Variants in SLC24A3 observed in about 807,000 individuals in gnomAD.
SLC24A3 encodes the protein sodium/potassium/calcium exchanger 3.
A neutral mutation model predicts 75.8 loss-of-function variants in SLC24A3; 28 were observed. The ratio of observed to expected loss-of-function variants is 0.37; its 90% CI spans 0.27 to 0.51. The LOEUF is 0.51. SLC24A3 is among the 20% of genes least tolerant of loss of function. SLC24A3 has a pLI of 0.94. For missense variants in SLC24A3, 663 were observed against 847.8 expected (o/e 0.78, Z 2.71); for synonymous variants, 372 against 334.1 (o/e 1.11, Z -1.24).
At chr20:19,552,118 G>C (rs183918360) in intron 3 of SLC24A3, among the ~76,000 whole-genome samples, 2 of 152,242 alleles carry the variant, frequency 1.3e-5, no homozygotes, top group Non-Finnish European at 2.9e-5. Flanking sequence ...ATCTTTCATT[G>C]TTAGTACGTT....
intron 3 of SLC24A3, among the ~76,000 whole-genome samples, chr20:19,560,389 G>A (rs6081657): frequency 6.6e-6 from 1 of 152,202 alleles, no homozygotes; most frequent in Admixed American, 6.5e-5. Flanking sequence ...GGCACTTTCA[G>A]GGTGCTCCGC....
intron 2 of SLC24A3, among the ~76,000 whole-genome samples, chr20:19,466,897 C>T (rs1987775051): frequency 6.6e-6 from 1 of 152,144 alleles, no homozygotes; most frequent in Non-Finnish European, 1.5e-5. Flanking sequence ...CTGGATCATC[C>T]ACTACATGTC....
At chr20:19,597,940 T>C (rs2031472078) in intron 6 of SLC24A3, among the ~76,000 whole-genome samples, 1 of 152,212 alleles carries the variant, frequency 6.6e-6, no homozygotes, top group African/African-American at 2.4e-5. Flanking sequence ...TTCCCTTGAA[T>C]GTATATGCCA....
At chr20:19,574,084 A>G (rs1487756520) in intron 3 of SLC24A3, among the ~76,000 whole-genome samples, 1 of 152,216 alleles carries the variant, frequency 6.6e-6, no homozygotes, top group African/African-American at 2.4e-5. Flanking sequence ...TTGGTGCTGC[A>G]CACATTATTG....
intron 4 of SLC24A3, among the ~76,000 whole-genome samples, chr20:19,584,337 G>A (rs1223972070): frequency 6.6e-6 from 1 of 152,100 alleles, no homozygotes; most frequent in African/African-American, 2.4e-5. Flanking sequence ...AGGAAGGGGA[G>A]TGGGTTTCAG....
rs553327790 is a variant in SLC24A3, at chr20:19,699,524, G to C, written c.1719+844G>C. On this transcript the variant is annotated intron_variant, in intron 15 of 16. Coordinates refer to ENST00000328041, the MANE Select transcript of SLC24A3 (RefSeq NM_020689.4). ...GTGCAGAAAGCATGTGCTTATTTTG[G>C]ATGATATGTTCTCTATATTCCTGGA... Among the ~76,000 whole-genome samples, 8 of 152,330 alleles carry C rather than the reference G, an allele frequency of 5.3e-5. 1 individual carries two copies. The South Asian group carries it at 1.5e-3, about 28-fold the overall frequency.
intron 2 of SLC24A3, among the ~76,000 whole-genome samples, chr20:19,509,917 A>T (rs1038807768): frequency 6.6e-6 from 1 of 152,264 alleles, no homozygotes; most frequent in African/African-American, 2.4e-5. Flanking sequence ...ACATTTCCAG[A>T]TTCCCAATTG....
intron 3 of SLC24A3, among the ~76,000 whole-genome samples, chr20:19,519,332 T>C (rs1486511211): frequency 2.6e-5 from 4 of 152,254 alleles, no homozygotes; most frequent in African/African-American, 9.6e-5. Flanking sequence ...TTTTTGTTTT[T>C]TCTTGTAGAT....
intron 6 of SLC24A3, among the ~76,000 whole-genome samples, chr20:19,611,260 T>C (rs898870844): frequency 4.6e-5 from 7 of 152,218 alleles, no homozygotes; most frequent in African/African-American, 1.7e-4. Flanking sequence ...CCATCTCCAC[T>C]GCAAGATTCC....
At chr20:19,571,071 G>A (rs1374964833) in intron 3 of SLC24A3, among the ~76,000 whole-genome samples, 2 of 152,004 alleles carry the variant, frequency 1.3e-5, no homozygotes, top group Non-Finnish European at 2.9e-5. Flanking sequence ...GTGGTGGTCA[G>A]GATTTGAACC....
At chr20:19,707,516 C>G (rs939827862) in intron 15 of SLC24A3, among the ~76,000 whole-genome samples, 3 of 152,194 alleles carry the variant, frequency 2.0e-5, no homozygotes, top group Non-Finnish European at 2.9e-5. Context: ...TTTAGCAAGG[C>G]AATGGCATGA....
chr20:19,243,178 T>C (rs1982382585), intron 1 of SLC24A3, among the ~76,000 whole-genome samples: 1 of 152,222 alleles, frequency 6.6e-6, no homozygotes, highest in Non-Finnish European at 1.5e-5. Context: ...TCCTGAGACA[T>C]ATGTTAATGA....
At chr20:19,567,429 C>T (rs2030976382) in intron 3 of SLC24A3, among the ~76,000 whole-genome samples, 1 of 152,192 alleles carries the variant, frequency 6.6e-6, no homozygotes, top group African/African-American at 2.4e-5. Flanking sequence ...ACTGCATATT[C>T]TCACTTACAA....
At chr20:19,576,607 C>A (rs2031138939) in intron 3 of SLC24A3, among the ~76,000 whole-genome samples, 1 of 152,132 alleles carries the variant, frequency 6.6e-6, no homozygotes, top group Non-Finnish European at 1.5e-5. Context: ...TGCTGCCCAG[C>A]TCACGAGAAC....
chr20:19,339,723 C>T (rs1309696594), intron 2 of SLC24A3, among the ~76,000 whole-genome samples: 1 of 152,160 alleles, frequency 6.6e-6, no homozygotes, highest in Non-Finnish European at 1.5e-5. Flanking sequence ...AGATAGGGTA[C>T]CAGGGTAACC....
At chr20:19,471,685 G>A (rs1987874657) in intron 2 of SLC24A3, among the ~76,000 whole-genome samples, 1 of 152,168 alleles carries the variant, frequency 6.6e-6, no homozygotes, top group Non-Finnish European at 1.5e-5. Context: ...CACTCTGTCG[G>A]GGAAGAGTGG....
chr20:19,553,085 C>CCCTCCCTT, intron 3 of SLC24A3, among the ~76,000 whole-genome samples: 1 of 133,406 alleles, frequency 7.5e-6, no homozygotes, highest in South Asian at 2.8e-4. Context: ...CTCCCTCCCT[C>CCCTCCCTT]CCTCCCTCCT....
At chr20:19,341,921 C>T (rs1475430593) in intron 2 of SLC24A3, among the ~76,000 whole-genome samples, 2 of 152,216 alleles carry the variant, frequency 1.3e-5, no homozygotes, top group African/African-American at 4.8e-5. Flanking sequence ...CTGGACTCAT[C>T]TGGCTGCAAT....
intron 1 of SLC24A3, among the ~76,000 whole-genome samples, chr20:19,262,763 C>A (rs367567018): frequency 6.6e-6 from 1 of 152,300 alleles, no homozygotes; most frequent in East Asian, 1.9e-4. Context: ...ACTAATCCCA[C>A]CCACTTTACA....
Sources: allele counts gnomAD v4.1 joint callset (sites outside exome capture counted in the v4.1 genomes callset), GRCh38; gene constraint gnomAD v4.1.1; transcripts MANE v1.5; gene names NCBI Gene and HGNC (gene_info 2026-07-23, HGNC 2026-07-21).